The following SORCS2 variants were observed in gnomAD, a reference collection of about 807,000 sequenced individuals.
The protein encoded by SORCS2 is sortilin related VPS10 domain containing receptor 2.
SORCS2 carries 100 observed loss-of-function variants against 141.6 expected under a neutral mutation model. The observed-to-expected ratio is 0.71, with a 90% CI of 0.60 to 0.83. The LOEUF (loss-of-function observed/expected upper bound fraction) is 0.83, where lower values mean the gene tolerates loss of function less well. SORCS2 is among the 40% of genes least tolerant of loss of function. The pLI is 0.00. For missense variants in SORCS2, 1,646 were observed against 1,560.2 expected, an observed-to-expected ratio of 1.05 and a Z score of -0.93; for synonymous variants, 789 against 676.9, an observed-to-expected ratio of 1.17 and a Z score of -2.57.
chr4:7,471,629 A>C (rs1359659591), intron 2 of SORCS2, among the ~76,000 whole-genome samples: 1 of 152,164 alleles, frequency 6.6e-6, no homozygotes, highest in Non-Finnish European at 1.5e-5. Flanking sequence ...GGACACAGGG[A>C]GAGGGTGGAA....
chr4:7,491,393 G>A (rs1002905701), intron 2 of SORCS2, among the ~76,000 whole-genome samples: 18 of 152,200 alleles, frequency 1.2e-4, no homozygotes, highest in Admixed American at 8.5e-4. Context: ...ATGGAGTCCC[G>A]GTCTCAAGGA....
intron 3 of SORCS2, among the ~76,000 whole-genome samples, chr4:7,616,879 C>T (rs147357971): frequency 1.3e-5 from 2 of 152,210 alleles, no homozygotes; most frequent in South Asian, 2.1e-4. Context: ...GAGAACTCTG[C>T]GATGGTGCAG....
At chr4:7,405,157 T>C (rs750724958) in intron 2 of SORCS2, among the ~76,000 whole-genome samples, 24 of 152,194 alleles carry the variant, frequency 1.6e-4, no homozygotes, top group Non-Finnish European at 2.9e-4. Context: ...AAAAATGAGT[T>C]GGCTGTAAAT....
At chr4:7,720,539 G>A (rs1449003307) in intron 18 of SORCS2, among the ~76,000 whole-genome samples, 1 of 152,158 alleles carries the variant, frequency 6.6e-6, no homozygotes, top group African/African-American at 2.4e-5. Context: ...TTCGCTCTGT[G>A]AAACACCCAT....
At chr4:7,595,797 A>G (rs1414646058) in intron 3 of SORCS2, among the ~76,000 whole-genome samples, 1 of 152,136 alleles carries the variant, frequency 6.6e-6, no homozygotes, top group Non-Finnish European at 1.5e-5. Context: ...TGACTCTAGT[A>G]TTAATGCATT....
At chr4:7,570,331 C>T (rs1346205015) in intron 3 of SORCS2, among the ~76,000 whole-genome samples, 1 of 152,240 alleles carries the variant, frequency 6.6e-6, no homozygotes, top group Non-Finnish European at 1.5e-5. Flanking sequence ...AACCTCCACT[C>T]ATGACGGTGC....
chr4:7,312,041 A>G (rs900709058), intron 1 of SORCS2, among the ~76,000 whole-genome samples: 2 of 151,902 alleles, frequency 1.3e-5, no homozygotes, highest in African/African-American at 2.4e-5. Flanking sequence ...ACAGCCAGCT[A>G]ATGTTTTGTA....
chr4:7,591,101 T>C (rs879750147), intron 3 of SORCS2, among the ~76,000 whole-genome samples: 1 of 152,310 alleles, frequency 6.6e-6, no homozygotes, highest in South Asian at 2.1e-4. Flanking sequence ...GCAGATGGGA[T>C]GAAGTGGGCA....
At chr4:7,434,909 A>C (rs1727190856) in intron 2 of SORCS2, 1 of 1,505,578 alleles carries the variant, frequency 6.6e-7, no homozygotes, top group Non-Finnish European at 8.9e-7. Context: ...GCTCCAGAGT[A>C]CCCAGCAGTG....
chr4:7,469,911 A>T (rs888368917), intron 2 of SORCS2, among the ~76,000 whole-genome samples: 1 of 152,214 alleles, frequency 6.6e-6, no homozygotes, highest in African/African-American at 2.4e-5. Flanking sequence ...CATCAGAGAC[A>T]GGAAGACAAT....
At chr4:7,439,184 GTA>G (rs61638263) in intron 2 of SORCS2, among the ~76,000 whole-genome samples, 53,079 of 150,736 alleles carry the variant, frequency 0.35, 9,601 homozygotes, top group South Asian at 0.43. Context: ...GAAGGAGTTT[GTA>G]TATATATATA....
At chr4:7,222,706 C>T (rs1343953057) in intron 1 of SORCS2, among the ~76,000 whole-genome samples, 1 of 151,990 alleles carries the variant, frequency 6.6e-6, no homozygotes, top group Non-Finnish European at 1.5e-5. Context: ...GTCAGGCTTC[C>T]CAGGCTGTGG....
At chr4:7,603,147 T>A (rs1231781271) in intron 3 of SORCS2, among the ~76,000 whole-genome samples, 2 of 125,002 alleles carry the variant, frequency 1.6e-5, no homozygotes, top group Non-Finnish European at 3.3e-5. Context: ...AGGGAGACCA[T>A]GGAGAGAGAG....
chr4:7,424,283 C>A (rs913200526), intron 2 of SORCS2, among the ~76,000 whole-genome samples: 2 of 152,172 alleles, frequency 1.3e-5, no homozygotes, highest in Non-Finnish European at 2.9e-5. Flanking sequence ...GGTGGGGTGG[C>A]CATTGTAGAT....
At chr4:7,611,251 G>A (rs1347049842) in intron 3 of SORCS2, among the ~76,000 whole-genome samples, 3 of 152,198 alleles carry the variant, frequency 2.0e-5, no homozygotes, top group African/African-American at 7.2e-5. Context: ...GCCTTCTTCT[G>A]GGTGTTGGAT....
chr4:7,484,046 T>A (rs1220849072), intron 2 of SORCS2, among the ~76,000 whole-genome samples: 1 of 152,234 alleles, frequency 6.6e-6, no homozygotes, highest in East Asian at 1.9e-4. Context: ...ACTTACTTTC[T>A]TCGAGCATTT....
intron 3 of SORCS2, among the ~76,000 whole-genome samples, chr4:7,554,726 C>T (rs1010447124): frequency 1.2e-4 from 19 of 152,188 alleles, no homozygotes; most frequent in African/African-American, 4.1e-4. Context: ...TTGTAGAGCA[C>T]AGCGGGAGCC....
intron 1 of SORCS2, among the ~76,000 whole-genome samples, chr4:7,393,107 C>T (rs1335901835): frequency 1.3e-5 from 2 of 152,116 alleles, no homozygotes; most frequent in African/African-American, 4.8e-5. Context: ...TGCATCCTGA[C>T]GAGCCTTTGA....
intron 1 of SORCS2, among the ~76,000 whole-genome samples, chr4:7,376,695 G>A (rs1179236802): frequency 1.3e-5 from 2 of 152,172 alleles, no homozygotes; most frequent in African/African-American, 4.8e-5. Flanking sequence ...CCATACATAT[G>A]CATGTCTTTG....
Sources: allele counts gnomAD v4.1 joint callset (sites outside exome capture counted in the v4.1 genomes callset), GRCh38; gene constraint gnomAD v4.1.1; transcripts MANE v1.5; gene names NCBI Gene and HGNC (gene_info 2026-07-23, HGNC 2026-07-21).